Variants in FBXO42 observed in about 807,000 individuals in gnomAD.
The protein encoded by FBXO42 is F-box protein 42.
FBXO42 carries 12 observed loss-of-function variants against 71.7 expected under a neutral mutation model. That is an observed-to-expected ratio of 0.17 (90% CI 0.11 to 0.27). FBXO42 has a LOEUF of 0.27. Ranked by LOEUF, FBXO42 falls within the 10% of genes least tolerant of loss-of-function variation. The probability of loss-of-function intolerance (pLI) is 1.00; values close to 1 mark genes in which losing one functional copy is unlikely to be tolerated. For missense variants in FBXO42, 707 were observed against 911.9 expected, an observed-to-expected ratio of 0.78 and a Z score of 2.89; for synonymous variants, 325 against 327.5, an observed-to-expected ratio of 0.99 and a Z score of 0.08.
At chr1:16,263,372 C>T (rs919037046) in intron 4 of FBXO42, among the ~76,000 whole-genome samples, 5 of 152,084 alleles carry the variant, frequency 3.3e-5, no homozygotes, top group Non-Finnish European at 5.9e-5. Flanking sequence ...GGCGTGAACC[C>T]GCCAAGCTTG....
At chr1:16,288,320 C>T (rs1298071199) in intron 4 of FBXO42, among the ~76,000 whole-genome samples, 1 of 152,000 alleles carries the variant, frequency 6.6e-6, no homozygotes, top group African/African-American at 2.4e-5. Context: ...ACCCCAGCTA[C>T]TGGGGAGGCT....
rs536798244 is a variant in FBXO42 at position 16,310,546 on chromosome 1, G to A, written c.250+4623C>T. On this transcript the variant is annotated intron_variant, in intron 2 of 9. Coordinates refer to ENST00000375592, the MANE Select transcript of FBXO42 (RefSeq NM_018994.3). ...ACCTTATCCCCTCCCCAAAATAACT[G>A]ATAAGCCAGAATTCATTAAAACTAA... Among the ~76,000 whole-genome samples, 16 of 152,048 alleles carry A rather than the reference G, an allele frequency of 1.1e-4. No homozygotes were observed. In the South Asian group the frequency reaches 3.3e-3, roughly 32 times the overall value.
intron 1 of FBXO42, among the ~76,000 whole-genome samples, chr1:16,335,008 C>T (rs1304695533): frequency 8.3e-6 from 1 of 119,868 alleles, no homozygotes; most frequent in African/African-American, 3.3e-5. Context: ...GGGCGAATAG[C>T]TTGAGCCCAA....
intron 2 of FBXO42, among the ~76,000 whole-genome samples, chr1:16,312,242 G>T (rs1429508275): frequency 1.3e-5 from 2 of 152,050 alleles, no homozygotes; most frequent in Non-Finnish European, 2.9e-5. Flanking sequence ...CACACCTGTG[G>T]TCCCAGCTAT....
intron 1 of FBXO42, among the ~76,000 whole-genome samples, chr1:16,324,565 C>A (rs1030703950): frequency 6.6e-6 from 1 of 152,174 alleles, no homozygotes; most frequent in Non-Finnish European, 1.5e-5. Context: ...TGCCTGTAAT[C>A]CAAGCACTTT....
intron 3 of FBXO42, among the ~76,000 whole-genome samples, chr1:16,297,706 CAAA>C (rs56659512): frequency 1.4e-5 from 2 of 141,674 alleles, no homozygotes; most frequent in Non-Finnish European, 3.1e-5. Flanking sequence ...ACTAAACATA[CAAA>C]AAAAAAAATT....
intron 1 of FBXO42, among the ~76,000 whole-genome samples, chr1:16,348,565 G>A (rs1356539884): frequency 6.6e-6 from 1 of 152,086 alleles, no homozygotes; most frequent in South Asian, 2.1e-4. Flanking sequence ...AGCCGGGCGT[G>A]GGGCGGGTGC....
intron 6 of FBXO42, among the ~76,000 whole-genome samples, chr1:16,254,302 C>T (rs1484651961): frequency 6.6e-6 from 1 of 152,174 alleles, no homozygotes; most frequent in Non-Finnish European, 1.5e-5. Context: ...GGTTAAGCTA[C>T]AGTTTTCAAA....
intron 1 of FBXO42, among the ~76,000 whole-genome samples, chr1:16,319,888 G>A (rs1214189122): frequency 2.0e-5 from 3 of 151,584 alleles, no homozygotes; most frequent in Admixed American, 6.6e-5. Context: ...TCTAGCCTGG[G>A]CAACAGAGTG....
chr1:16,279,665 G>C (rs757608496), intron 4 of FBXO42, among the ~76,000 whole-genome samples: 1 of 151,880 alleles, frequency 6.6e-6, no homozygotes, highest in African/African-American at 2.4e-5. Flanking sequence ...ATGGAACATC[G>C]AGAACCAAGG....
intron 4 of FBXO42, among the ~76,000 whole-genome samples, chr1:16,261,964 G>A (rs2081719484): frequency 6.6e-6 from 1 of 152,038 alleles, no homozygotes. Context: ...CACCCGCCTT[G>A]GTCTCCCAAA....
At chr1:16,286,791 T>A (rs2082026450) in intron 4 of FBXO42, among the ~76,000 whole-genome samples, 1 of 152,182 alleles carries the variant, frequency 6.6e-6, no homozygotes, top group Admixed American at 6.6e-5. Flanking sequence ...CCATCTCAGT[T>A]AATGAAAATT....
At chr1:16,340,340 C>T (rs867428690) in intron 1 of FBXO42, among the ~76,000 whole-genome samples, 23 of 151,114 alleles carry the variant, frequency 1.5e-4, no homozygotes, top group South Asian at 6.3e-4. Context: ...TTTTTTGAGA[C>T]GGAGTTTCAC....
chr1:16,325,190 A>G (rs1162729234), intron 1 of FBXO42, among the ~76,000 whole-genome samples: 1 of 152,134 alleles, frequency 6.6e-6, no homozygotes, highest in Admixed American at 6.6e-5. Context: ...GTGAGCCAAT[A>G]TCATGCCACT....
chr1:16,310,184 A>C (rs887047420), intron 2 of FBXO42, among the ~76,000 whole-genome samples: 22 of 139,648 alleles, frequency 1.6e-4, no homozygotes, highest in East Asian at 4.1e-4. Context: ...ACAGAGCAAG[A>C]CTCCATCTCA....
In FBXO42 at chr1:16,253,740, T is replaced by C; in HGVS notation, c.768-9A>G. ...CCCAGACATCATTGCTCCTGTGAATTAAGGACAGAAGGATAAAGGTAGTTA... is the reference window on the plus strand; with the variant it reads ...CCCAGACATCATTGCTCCTGTGAATCAAGGACAGAAGGATAAAGGTAGTTA... On this transcript the variant is annotated splice_polypyrimidine_tract_variant and intron_variant, in intron 6 of 9. Coordinates refer to ENST00000375592, the MANE Select transcript of FBXO42 (RefSeq NM_018994.3). 5 of 1,613,610 alleles carry C rather than the reference T, an allele frequency of 3.1e-6. No individual in the cohort carries two copies. The highest frequency in any genetic ancestry group is 4.2e-6 in the Non-Finnish European group (5 of 1,179,622).
At chr1:16,274,570 C>T (rs1203898102) in intron 4 of FBXO42, among the ~76,000 whole-genome samples, 1 of 93,400 alleles carries the variant, frequency 1.1e-5, no homozygotes, top group African/African-American at 4.5e-5. Flanking sequence ...ATCCCCCCCC[C>T]ATACAAATTA....
At chr1:16,340,611 G>A (rs560045649) in intron 1 of FBXO42, among the ~76,000 whole-genome samples, 19 of 152,136 alleles carry the variant, frequency 1.2e-4, no homozygotes, top group South Asian at 4.1e-4. Context: ...GAGCCACTGC[G>A]CCCGGCCAAC....
chr1:16,337,238 G>A (rs1018122125), intron 1 of FBXO42, among the ~76,000 whole-genome samples: 8 of 152,042 alleles, frequency 5.3e-5, no homozygotes, highest in Non-Finnish European at 1.2e-4. Context: ...ACTTGACACT[G>A]TATTCTCACC....
Sources: allele counts gnomAD v4.1 joint callset (sites outside exome capture counted in the v4.1 genomes callset), GRCh38; gene constraint gnomAD v4.1.1; transcripts MANE v1.5; gene names NCBI Gene and HGNC (gene_info 2026-07-23, HGNC 2026-07-21).